The following EXOC6B variants were observed in gnomAD, a reference collection of about 807,000 sequenced individuals.
EXOC6B encodes exocyst complex component 6B.
A neutral mutation model predicts 113.5 loss-of-function variants in EXOC6B; 54 were observed. That is an observed-to-expected ratio of 0.48 (90% CI 0.38 to 0.60). The LOEUF is 0.60. Among genes scored for constraint, EXOC6B ranks in the 20% least tolerant of loss-of-function variants. EXOC6B has a pLI of 0.00. For synonymous variants in EXOC6B, 357 were observed against 339.0 expected (o/e 1.05, Z -0.58); for missense variants, 797 against 977.5 (o/e 0.82, Z 2.46).
intron 18 of EXOC6B, chr2:72,463,493 A>G (rs688433): frequency 0.16 from 24,139 of 152,040 alleles, 2,681 homozygotes; most frequent in African/African-American, 0.32. Flanking sequence ...AGGAACGTAG[A>G]CAAGGGCAAC....
chr2:72,739,990 T>C (rs1254963721), intron 2 of EXOC6B, among the ~76,000 whole-genome samples: 2 of 152,136 alleles, frequency 1.3e-5, no homozygotes, highest in Non-Finnish European at 2.9e-5. Flanking sequence ...CCCCACCCAA[T>C]GGGGACTAGG....
intron 18 of EXOC6B, among the ~76,000 whole-genome samples, chr2:72,453,450 T>A (rs1329735336): frequency 6.6e-6 from 1 of 152,182 alleles, no homozygotes; most frequent in Non-Finnish European, 1.5e-5. Context: ...ATAACCAACA[T>A]AATTATTTTA....
intron 8 of EXOC6B, among the ~76,000 whole-genome samples, chr2:72,517,406 G>GT (rs1259742332): frequency 6.6e-6 from 1 of 152,092 alleles, no homozygotes; most frequent in Non-Finnish European, 1.5e-5. Context: ...AAAAACAACA[G>GT]TTTTAAAGTT....
chr2:72,286,762 T>C (rs1350491082), intron 20 of EXOC6B, among the ~76,000 whole-genome samples: 1 of 152,074 alleles, frequency 6.6e-6, no homozygotes, highest in Non-Finnish European at 1.5e-5. Context: ...ACCTAGGATA[T>C]CTCTGTATAT....
chr2:72,750,764 T>C (rs919189779), intron 1 of EXOC6B, among the ~76,000 whole-genome samples: 1 of 152,030 alleles, frequency 6.6e-6, no homozygotes, highest in African/African-American at 2.4e-5. Flanking sequence ...TTTAAAGTAG[T>C]CCCAGCATGG....
intron 18 of EXOC6B, among the ~76,000 whole-genome samples, chr2:72,451,003 A>G (rs968062423): frequency 7.2e-5 from 11 of 152,160 alleles, no homozygotes; most frequent in Non-Finnish European, 4.4e-5. Context: ...AAAGATCACA[A>G]TTACTTGTAC....
At chr2:72,787,275 A>G (rs1447560689) in intron 1 of EXOC6B, among the ~76,000 whole-genome samples, 52 of 151,566 alleles carry the variant, frequency 3.4e-4, no homozygotes, top group Admixed American at 3.2e-3. Flanking sequence ...GTGGTGGCGC[A>G]ATCTCGGCTC....
intron 7 of EXOC6B, among the ~76,000 whole-genome samples, chr2:72,563,251 T>C (rs979444709): frequency 6.6e-6 from 1 of 152,128 alleles, no homozygotes; most frequent in Non-Finnish European, 1.5e-5. Flanking sequence ...AAATACACAT[T>C]CACAATTAGA....
intron 20 of EXOC6B, among the ~76,000 whole-genome samples, chr2:72,228,698 C>T (rs1681417645): frequency 1.3e-5 from 2 of 152,242 alleles, no homozygotes; most frequent in East Asian, 3.9e-4. Flanking sequence ...CAAGTCTTTG[C>T]TATTGTGAAT....
chr2:72,756,872 A>G lies in EXOC6B; in HGVS notation c.114-15403T>C, dbSNP rs1161817081. On this transcript the variant is annotated intron_variant, in intron 1 of 21. Coordinates refer to ENST00000272427, the MANE Select transcript of EXOC6B (RefSeq NM_015189.3). ...GTAAAAGGAAGAGGAAGAGGAGAGTAAGAAGGAAGGTGAGGTGAAGAAACA... is the reference window on the plus strand; with the variant it reads ...GTAAAAGGAAGAGGAAGAGGAGAGTGAGAAGGAAGGTGAGGTGAAGAAACA... Among the ~76,000 whole-genome samples, 34 of 152,308 alleles carry G rather than the reference A, an allele frequency of 2.2e-4. 1 individual carries two copies. Among genetic ancestry groups the G allele is most frequent in the Non-Finnish European group, 4.4e-5 (3 of 68,018 alleles).
intron 8 of EXOC6B, among the ~76,000 whole-genome samples, chr2:72,523,769 A>C (rs1300253455): frequency 8.5e-6 from 1 of 117,154 alleles, no homozygotes; most frequent in Non-Finnish European, 1.6e-5. Flanking sequence ...CGACAGAGCG[A>C]GACTCCATCT....
At chr2:72,432,702 C>G (rs1319844165) in intron 18 of EXOC6B, among the ~76,000 whole-genome samples, 1 of 152,078 alleles carries the variant, frequency 6.6e-6, no homozygotes, top group Admixed American at 6.6e-5. Flanking sequence ...TTTCATGTTT[C>G]TTGGAGGCAT....
At chr2:72,491,430 C>T (rs1699739715) in intron 16 of EXOC6B, among the ~76,000 whole-genome samples, 1 of 152,064 alleles carries the variant, frequency 6.6e-6, no homozygotes, top group South Asian at 2.1e-4. Flanking sequence ...TGACAGTGTA[C>T]ATTTTAAATG....
At chr2:72,279,395 GATC>G (rs1684991797) in intron 20 of EXOC6B, among the ~76,000 whole-genome samples, 1 of 152,128 alleles carries the variant, frequency 6.6e-6, no homozygotes, top group Admixed American at 6.5e-5. Flanking sequence ...TAGAGTAGAG[GATC>G]AGATGGATTT....
chr2:72,815,574 A>G (rs1686191527), intron 1 of EXOC6B, among the ~76,000 whole-genome samples: 1 of 152,066 alleles, frequency 6.6e-6, no homozygotes, highest in East Asian at 1.9e-4. Flanking sequence ...TAAACATATT[A>G]TTGTGAGATT....
At chr2:72,437,364 A>AGGCATG (rs1458252441) in intron 18 of EXOC6B, among the ~76,000 whole-genome samples, 1 of 152,214 alleles carries the variant, frequency 6.6e-6, no homozygotes, top group Admixed American at 6.5e-5. Flanking sequence ...CCCAGTCAGA[A>AGGCATG]GGCATGGGGG....
chr2:72,456,296 T>C (rs1213304576), intron 18 of EXOC6B, among the ~76,000 whole-genome samples: 1 of 152,274 alleles, frequency 6.6e-6, no homozygotes, highest in African/African-American at 2.4e-5. Context: ...TATCTCAAAA[T>C]AATAGCTTTT....
intron 20 of EXOC6B, among the ~76,000 whole-genome samples, chr2:72,286,503 AATGAAG>A (rs1685430225): frequency 6.6e-6 from 1 of 152,186 alleles, no homozygotes; most frequent in South Asian, 2.1e-4. Flanking sequence ...GCAAGAAGGG[AATGAAG>A]AGGTGGAGTA....
intron 6 of EXOC6B, among the ~76,000 whole-genome samples, chr2:72,580,239 T>C (rs1705138903): frequency 5.3e-5 from 8 of 150,524 alleles, no homozygotes; most frequent in Admixed American, 5.3e-4. Flanking sequence ...CCTCCTGGGT[T>C]CAAGCGATTC....
Sources: gnomAD v4.1 joint callset for allele counts (sites outside exome capture counted in the v4.1 genomes callset) on GRCh38, gnomAD v4.1.1 for gene constraint, MANE v1.5 for transcripts, NCBI Gene and HGNC (gene_info 2026-07-23, HGNC 2026-07-21) for gene names.